RIMS2: variants seen among roughly 807,000 people sequenced by gnomAD.
The protein encoded by RIMS2 is regulating synaptic membrane exocytosis 2.
A neutral mutation model predicts 174.4 loss-of-function variants in RIMS2; 59 were observed. The observed-to-expected ratio is 0.34, with a 90% CI of 0.27 to 0.42. RIMS2 has a LOEUF of 0.42. Among genes scored for constraint, RIMS2 ranks in the 10% least tolerant of loss-of-function variants. The pLI is 1.00. For missense variants in RIMS2, 1,620 were observed against 1,666.3 expected (o/e 0.97, Z 0.48); for synonymous variants, 606 against 572.5 (o/e 1.06, Z -0.84).
chr8:103,641,220 G>A (rs1160023170), intron 1 of RIMS2, among the ~76,000 whole-genome samples: 1 of 151,834 alleles, frequency 6.6e-6, no homozygotes, highest in African/African-American at 2.4e-5. Flanking sequence ...TACATTGCTT[G>A]GTGTTATTTA....
At chr8:103,817,102 G>A (rs942931618) in intron 3 of RIMS2, among the ~76,000 whole-genome samples, 1 of 152,132 alleles carries the variant, frequency 6.6e-6, no homozygotes, top group Non-Finnish European at 1.5e-5. Context: ...TACACTTGTA[G>A]AAATTGACCT....
intron 2 of RIMS2, among the ~76,000 whole-genome samples, chr8:103,743,842 A>G (rs1181978870): frequency 2.0e-5 from 3 of 152,190 alleles, no homozygotes; most frequent in African/African-American, 4.8e-5. Context: ...CTAGTTTTCT[A>G]AGAATTACTT....
At chr8:103,920,661 C>T in intron 9 of RIMS2, 3 of 457,152 alleles carry the variant, frequency 6.6e-6, no homozygotes, top group South Asian at 4.6e-5. Context: ...TCACTGTGTT[C>T]CCAATTAAGT....
At chr8:104,093,685 GA>G in intron 19 of RIMS2, 42 bp downstream of exon 24, 1 of 1,481,850 alleles carries the variant, frequency 6.7e-7, no homozygotes, top group Non-Finnish European at 9.2e-7. Flanking sequence ...ATATGTTTTA[GA>G]AGGTCTTTAT....
At chr8:103,961,018 C>A (rs372463737) in intron 14 of RIMS2, 47 bp from the exon 17 acceptor site, 4 of 972,422 alleles carry the variant, frequency 4.1e-6, no homozygotes, top group African/African-American at 3.2e-5. Context: ...GAATTTTCTT[C>A]CTTAGAGAAT....
At chr8:103,608,278 C>T (rs1366939290) in intron 1 of RIMS2, among the ~76,000 whole-genome samples, 2 of 143,388 alleles carry the variant, frequency 1.4e-5, no homozygotes, top group East Asian at 1.9e-4. Flanking sequence ...TCAATCTGCC[C>T]CTGCTGGGGG....
At chr8:104,049,087 G>A (rs2096740784) in intron 19 of RIMS2, among the ~76,000 whole-genome samples, 1 of 151,086 alleles carries the variant, frequency 6.6e-6, no homozygotes, top group Non-Finnish European at 1.5e-5. Context: ...GTTCATCTGT[G>A]GCACCAGAAA....
chr8:103,654,431 C>A (rs2096497084), intron 1 of RIMS2, among the ~76,000 whole-genome samples: 1 of 151,848 alleles, frequency 6.6e-6, no homozygotes, highest in South Asian at 2.1e-4. Flanking sequence ...AAAATTAATT[C>A]TTGATTAATT....
In RIMS2 at chr8:104,138,443, CTCT is replaced by C. The variant is rs1039015427; in HGVS notation, c.3335-106471_3335-106469del. 3.2e-4 allele frequency among the ~76,000 whole-genome samples: 48 copies of C among 152,034 alleles called. 1 individual carries two copies. The highest frequency in any genetic ancestry group is 2.9e-3 in the Admixed American group (45 of 15,256). Reference sequence around the variant, plus strand: ...GCACATTCTCGCCAGCATTCATCACCTCTTTTTTCGATAAAATCCATTTTAACC... The same window carrying C: ...GCACATTCTCGCCAGCATTCATCACCTTTTTCGATAAAATCCATTTTAACC... On this transcript the variant is annotated intron_variant, in intron 19 of 23. Transcript: ENST00000504942.
intron 1 of RIMS2, among the ~76,000 whole-genome samples, chr8:103,628,845 G>T (rs1489223916): frequency 1.3e-5 from 2 of 150,600 alleles, no homozygotes; most frequent in Non-Finnish European, 2.9e-5. Flanking sequence ...AAAACATTTT[G>T]ATTATACTTG....
chr8:103,596,228 G>C (rs1445439092), intron 1 of RIMS2, among the ~76,000 whole-genome samples: 1 of 151,944 alleles, frequency 6.6e-6, no homozygotes, highest in African/African-American at 2.4e-5. Context: ...ATTTATTTAA[G>C]TTGGTATGTG....
At chr8:104,210,454 G>T (rs1208248447) in intron 19 of RIMS2, among the ~76,000 whole-genome samples, 1 of 152,126 alleles carries the variant, frequency 6.6e-6, no homozygotes, top group Non-Finnish European at 1.5e-5. Flanking sequence ...CTGTTTGTTT[G>T]GAAGGAGGGC....
intron 19 of RIMS2, among the ~76,000 whole-genome samples, chr8:104,079,484 G>A (rs2097365045): frequency 6.6e-6 from 1 of 150,918 alleles, no homozygotes; most frequent in Admixed American, 6.6e-5. Context: ...AGAAGGGAAA[G>A]GTCTCGCTTT....
chr8:103,841,518 A>G (rs1412441762), intron 3 of RIMS2, among the ~76,000 whole-genome samples: 1 of 152,164 alleles, frequency 6.6e-6, no homozygotes, highest in African/African-American at 2.4e-5. Flanking sequence ...ACAGCCTGAT[A>G]GTACTGTCCA....
intron 1 of RIMS2, among the ~76,000 whole-genome samples, chr8:103,625,952 T>G (rs1312449889): frequency 3.3e-5 from 5 of 151,902 alleles, no homozygotes; most frequent in Non-Finnish European, 5.9e-5. Context: ...TATATTTATC[T>G]TTTCTCAATA....
chr8:103,825,225 A>G (rs1487157864), intron 3 of RIMS2, among the ~76,000 whole-genome samples: 5 of 152,100 alleles, frequency 3.3e-5, no homozygotes, highest in Non-Finnish European at 2.9e-5. Context: ...ATGAAATTTT[A>G]TAGAAGGTAA....
intron 1 of RIMS2, among the ~76,000 whole-genome samples, chr8:103,594,794 A>G (rs768041282): frequency 6.6e-6 from 1 of 151,786 alleles, no homozygotes; most frequent in Non-Finnish European, 1.5e-5. Flanking sequence ...CTTGGCTTCA[A>G]ATCTTTAGAT....
At chr8:103,727,046 T>C (rs2097535370) in intron 2 of RIMS2, among the ~76,000 whole-genome samples, 1 of 151,762 alleles carries the variant, frequency 6.6e-6, no homozygotes, top group Admixed American at 6.6e-5. Flanking sequence ...CAATTTTATG[T>C]ATTTCTTAAT....
At chr8:103,824,820 T>C (rs1238864206) in intron 3 of RIMS2, among the ~76,000 whole-genome samples, 1 of 152,248 alleles carries the variant, frequency 6.6e-6, no homozygotes, top group Admixed American at 6.5e-5. Context: ...GTTACTCATA[T>C]GGCTTTAAAC....
Sources: gnomAD v4.1 joint callset for allele counts (sites outside exome capture counted in the v4.1 genomes callset) on GRCh38, gnomAD v4.1.1 for gene constraint, MANE v1.5 for transcripts, NCBI Gene and HGNC (gene_info 2026-07-23, HGNC 2026-07-21) for gene names.